CSMD3: variants seen among roughly 807,000 people sequenced by gnomAD.
CSMD3 encodes CUB and Sushi multiple domains 3.
Under a neutral mutation model 435.2 loss-of-function variants are expected in CSMD3, and 177 were observed. The ratio of observed to expected loss-of-function variants is 0.41; its 90% CI spans 0.36 to 0.46. The LOEUF (loss-of-function observed/expected upper bound fraction) is 0.46, where lower values mean the gene tolerates loss of function less well. Among genes scored for constraint, CSMD3 ranks in the 20% least tolerant of loss-of-function variants. The probability of loss-of-function intolerance (pLI) is 0.34; values close to 1 mark genes in which losing one functional copy is unlikely to be tolerated. For missense variants in CSMD3, 4,265 were observed against 4,504.6 expected, an observed-to-expected ratio of 0.95 and a Z score of 1.52; for synonymous variants, 1,656 against 1,520.5, an observed-to-expected ratio of 1.09 and a Z score of -2.07.
chr8:113,363,490 A>C (rs2094291223), intron 1 of CSMD3, among the ~76,000 whole-genome samples: 1 of 152,160 alleles, frequency 6.6e-6, no homozygotes, highest in Admixed American at 6.6e-5. Context: ...CAGAAATTTA[A>C]CACCAATTTG....
chr8:112,920,394 AATATAG>A (rs1377666715), intron 10 of CSMD3, among the ~76,000 whole-genome samples: 1 of 151,950 alleles, frequency 6.6e-6, no homozygotes, highest in Admixed American at 6.6e-5. Context: ...GGAGTATAAT[AATATAG>A]ATATAACATC....
chr8:112,522,928 T>C (rs1366364931), intron 27 of CSMD3, among the ~76,000 whole-genome samples: 1 of 151,942 alleles, frequency 6.6e-6, no homozygotes, highest in African/African-American at 2.4e-5. Flanking sequence ...TATGTAGTTT[T>C]CAACTGAAAT....
intron 4 of CSMD3, among the ~76,000 whole-genome samples, chr8:113,171,715 C>T (rs1385683648): frequency 6.6e-6 from 1 of 152,162 alleles, no homozygotes; most frequent in Non-Finnish European, 1.5e-5. Context: ...TCAGACCTTG[C>T]TTCTTTACCA....
chr8:112,277,178 C>A (rs1818147865), intron 59 of CSMD3, among the ~76,000 whole-genome samples: 1 of 152,090 alleles, frequency 6.6e-6, no homozygotes, highest in African/African-American at 2.4e-5. Flanking sequence ...ATTTTCTGAA[C>A]TTTTATATTC....
intron 3 of CSMD3, among the ~76,000 whole-genome samples, chr8:113,231,836 TGATC>T (rs1220645946): frequency 4.6e-5 from 7 of 151,484 alleles, no homozygotes; most frequent in African/African-American, 1.7e-4. Context: ...GAAAAGTGAA[TGATC>T]ATTTAGTCAT....
At chr8:112,825,035 A>C (rs1350801393) in intron 12 of CSMD3, among the ~76,000 whole-genome samples, 1 of 151,974 alleles carries the variant, frequency 6.6e-6, no homozygotes, top group East Asian at 1.9e-4. Context: ...TCTAGTCTGC[A>C]TGCCTTATTT....
At chr8:113,431,479 G>C (rs191007992) in intron 1 of CSMD3, among the ~76,000 whole-genome samples, 4 of 152,230 alleles carry the variant, frequency 2.6e-5, no homozygotes, top group Admixed American at 2.6e-4. Context: ...TTCTCAAAAG[G>C]TCATGTTGCC....
chr8:112,796,596 T>C (rs750974884), intron 13 of CSMD3, among the ~76,000 whole-genome samples: 1 of 152,036 alleles, frequency 6.6e-6, no homozygotes, highest in Non-Finnish European at 1.5e-5. Flanking sequence ...TGTTAATGGA[T>C]GTTAATGTGT....
At chr8:112,963,314 C>T (rs1174523358) in intron 7 of CSMD3, among the ~76,000 whole-genome samples, 1 of 151,900 alleles carries the variant, frequency 6.6e-6, no homozygotes, top group Non-Finnish European at 1.5e-5. Flanking sequence ...TTCACTCATT[C>T]GGAAATAATC....
Position 112,378,052 on chromosome 8 carries a change from A to C in CSMD3, c.6136+2300T>G, listed in dbSNP as rs1829116614. 2.0e-5 allele frequency among the ~76,000 whole-genome samples: 3 copies of C among 152,122 alleles called. 1 individual carries two copies. Among genetic ancestry groups the C allele is most frequent in the Admixed American group, 2.0e-4 (3 of 15,258 alleles). ...GCATCCAAGTGAAAAAGGAAGAATT[A>C]AAATTGTCCCTGTCTGCAGATGATA... is the stretch of plus-strand genomic sequence containing the variant. On this transcript the variant is annotated intron_variant, in intron 38 of 70. Transcript: ENST00000297405.
rs929814059 is a variant in CSMD3 at position 113,333,851 on chromosome 8, A to C, written c.179-19058T>G. Among the ~76,000 whole-genome samples, 4 of 151,910 alleles carry C rather than the reference A, an allele frequency of 2.6e-5. No homozygotes were observed. The South Asian group carries it at 8.3e-4, about 31-fold the overall frequency. ...CAAGAATGGCATTAAATTTATAAGT[A>C]AATTTGGGGATAATTGCTGTTTCAC... On this transcript the variant is annotated intron_variant, in intron 1 of 70. Transcript: ENST00000297405.
At chr8:112,489,658 A>G (rs140676775) in intron 31 of CSMD3, among the ~76,000 whole-genome samples, 4 of 152,282 alleles carry the variant, frequency 2.6e-5, no homozygotes, top group African/African-American at 9.6e-5. Context: ...TATACTAAAT[A>G]AATTGAAAAG....
chr8:112,569,304 C>G (rs1338355673), intron 24 of CSMD3, among the ~76,000 whole-genome samples: 1 of 152,088 alleles, frequency 6.6e-6, no homozygotes, highest in Non-Finnish European at 1.5e-5. Context: ...CCTTGTTGAT[C>G]TTGTTAAGTA....
intron 4 of CSMD3, among the ~76,000 whole-genome samples, chr8:113,171,542 G>GT (rs11355373): frequency 6.6e-6 from 1 of 151,402 alleles, no homozygotes; most frequent in Non-Finnish European, 1.5e-5. Flanking sequence ...GAGTTTTATG[G>GT]TTTTTTTTTT....
chr8:112,595,039 A>G (rs1831561822), intron 22 of CSMD3, among the ~76,000 whole-genome samples: 1 of 152,136 alleles, frequency 6.6e-6, no homozygotes. Flanking sequence ...AGCTGAGAGA[A>G]GAAGGCTTCA....
intron 32 of CSMD3, among the ~76,000 whole-genome samples, chr8:112,468,198 G>GTT (rs927855311): frequency 2.2e-5 from 3 of 138,930 alleles, no homozygotes; most frequent in African/African-American, 7.8e-5. Flanking sequence ...TCTTCCCTCT[G>GTT]TTTTTAAAAT....
At chr8:113,385,133 T>A (rs547433291) in intron 1 of CSMD3, among the ~76,000 whole-genome samples, 1 of 152,270 alleles carries the variant, frequency 6.6e-6, no homozygotes, top group South Asian at 2.1e-4. Flanking sequence ...GTCAATTTTC[T>A]GAAAACCCTA....
intron 31 of CSMD3, among the ~76,000 whole-genome samples, chr8:112,474,829 C>T (rs868680923): frequency 1.3e-5 from 2 of 152,192 alleles, no homozygotes; most frequent in African/African-American, 4.8e-5. Context: ...AATATTCTGC[C>T]TTTTTTCTTT....
At chr8:112,254,204 C>T (rs753683679) in intron 63 of CSMD3, 49 bp downstream of exon 63, 20 of 1,258,900 alleles carry the variant, frequency 1.6e-5, no homozygotes, top group Middle Eastern at 3.7e-4. Flanking sequence ...GAACCAAAGA[C>T]GCATTCTGAC....
Sources: allele counts gnomAD v4.1 joint callset (sites outside exome capture counted in the v4.1 genomes callset), GRCh38; gene constraint gnomAD v4.1.1; transcripts MANE v1.5; gene names NCBI Gene and HGNC (gene_info 2026-07-23, HGNC 2026-07-21).